The following DIAPH2 variants were observed in gnomAD, a reference collection of about 807,000 sequenced individuals.
DIAPH2 encodes the protein protein diaphanous homolog 2.
In DIAPH2, 35 loss-of-function variants were observed where a neutral mutation model predicts 92.7. The observed-to-expected ratio is 0.38, with a 90% CI of 0.29 to 0.50. The LOEUF (loss-of-function observed/expected upper bound fraction) is 0.50. Among genes scored for constraint, DIAPH2 ranks in the 20% least tolerant of loss-of-function variants. DIAPH2 has a pLI of 0.94. For synonymous variants in DIAPH2, 301 were observed against 280.4 expected (o/e 1.07, Z -0.73); for missense variants, 701 against 819.5 (o/e 0.86, Z 1.77).
At chrX:96,898,925 A>G (rs1323786581) in intron 5 of DIAPH2, among the ~76,000 whole-genome samples, 4 of 108,757 alleles carry the variant, frequency 3.7e-5, no homozygotes, top group Non-Finnish European at 7.7e-5. Flanking sequence ...GAAGGGATCC[A>G]GTTTCAGCTT....
At chrX:96,943,103 C>A (rs1459090734) in intron 13 of DIAPH2, among the ~76,000 whole-genome samples, 4 of 110,760 alleles carry the variant, frequency 3.6e-5, no homozygotes, top group African/African-American at 1.3e-4. Context: ...CCTTATATCT[C>A]TTTCTCTATG....
At chrX:96,796,979 A>G (rs2064544818) in intron 4 of DIAPH2, among the ~76,000 whole-genome samples, 1 of 111,741 alleles carries the variant, frequency 8.9e-6, no homozygotes, top group Non-Finnish European at 1.9e-5. Context: ...CTTATAGTGC[A>G]GGTTTTCTTG....
intron 23 of DIAPH2, among the ~76,000 whole-genome samples, chrX:97,332,757 A>T (rs2147669037): frequency 8.9e-6 from 1 of 111,849 alleles, no homozygotes; most frequent in East Asian, 2.8e-4. Flanking sequence ...ATTAAAATAC[A>T]CACACACTCA....
intron 9 of DIAPH2, among the ~76,000 whole-genome samples, chrX:96,921,376 G>A (rs765199629): frequency 9.0e-6 from 1 of 110,814 alleles, no homozygotes; most frequent in Non-Finnish European, 1.9e-5. Flanking sequence ...AGCATTCTCC[G>A]GTCTCTTTTG....
chrX:97,318,482 CTTTTTTTT>C (rs745350367), intron 23 of DIAPH2, among the ~76,000 whole-genome samples: 1 of 46,323 alleles, frequency 2.2e-5, no homozygotes, highest in Non-Finnish European at 4.0e-5. Flanking sequence ...TTTTTCTTTA[CTTTTTTTT>C]TTTTTTTTTT....
At chrX:97,463,373 A>ATT (rs1386426471) in intron 26 of DIAPH2, among the ~76,000 whole-genome samples, 2 of 102,671 alleles carry the variant, frequency 1.9e-5, no homozygotes, top group African/African-American at 7.2e-5. Flanking sequence ...AGCTATTACC[A>ATT]TTTTATTTAT....
At chrX:96,700,318 A>G (rs1019415708) in intron 1 of DIAPH2, among the ~76,000 whole-genome samples, 3 of 112,372 alleles carry the variant, frequency 2.7e-5, no homozygotes, top group African/African-American at 9.7e-5. Context: ...TTTAGATTCT[A>G]TGGTACAGTC....
rs761098183 is a variant in DIAPH2, at chrX:96,786,075, A to G, written c.447+27817A>G. Among the ~76,000 whole-genome samples, 6 of 111,926 alleles carry G rather than the reference A, an allele frequency of 5.4e-5. No homozygotes were observed. In the South Asian group the frequency reaches 2.3e-3, roughly 42 times the overall value. ...AGTAGAAACTTTCACAAGGTTAAGG[A>G]CACCTGTGTATGTTTGAAGGTAGAG... On this transcript the variant is annotated intron_variant, in intron 4 of 26. Coordinates refer to ENST00000324765, the MANE Select transcript of DIAPH2 (RefSeq NM_006729.5).
chrX:97,158,589 C>A (rs775278135), intron 22 of DIAPH2, among the ~76,000 whole-genome samples: 2 of 111,977 alleles, frequency 1.8e-5, no homozygotes, highest in African/African-American at 6.5e-5. Context: ...TTGGTTTCCT[C>A]TGATTTTTTA....
At position 97,185,358 on chromosome X, in the gene DIAPH2, T is replaced by C. The variant is rs1397949526; in HGVS notation, c.2719+43564T>C. ...ATATATATGTATATATATATGTGTG[T>C]ATATATATATGTATATATATATGTA... On this transcript the variant is annotated intron_variant, in intron 22 of 26. Coordinates refer to ENST00000324765, the MANE Select transcript of DIAPH2 (RefSeq NM_006729.5). Among the ~76,000 whole-genome samples the C allele has an allele frequency of 5.2e-4, 5 of 9,661 alleles. 1 individual carries two copies. Among genetic ancestry groups the C allele is most frequent in the African/African-American group, 1.3e-3 (5 of 3,856 alleles). 8.4% of individuals were successfully genotyped at this position (9,661 alleles called of 115,157 possible). A position where few individuals can be genotyped will look rare whatever the true frequency, so the allele number is the denominator to read the frequency against.
At chrX:97,332,371 GA>G (rs2147668688) in intron 23 of DIAPH2, among the ~76,000 whole-genome samples, 1 of 111,749 alleles carries the variant, frequency 8.9e-6, no homozygotes, top group Non-Finnish European at 1.9e-5. Flanking sequence ...TGAATGCACA[GA>G]ATTGGCTCTT....
intron 23 of DIAPH2, among the ~76,000 whole-genome samples, chrX:97,304,143 A>G (rs1256014800): frequency 1.8e-5 from 2 of 112,189 alleles, no homozygotes; most frequent in African/African-American, 3.2e-5. Flanking sequence ...TATGGATTAT[A>G]TCAAACCCAG....
At chrX:96,795,050 A>G (rs2064528490) in intron 4 of DIAPH2, among the ~76,000 whole-genome samples, 1 of 111,854 alleles carries the variant, frequency 8.9e-6, no homozygotes, top group Admixed American at 9.5e-5. Context: ...TCATTTTGAG[A>G]TCCTTAATTA....
chrX:96,864,303 T>G (rs1303368037), intron 4 of DIAPH2, among the ~76,000 whole-genome samples: 1 of 108,688 alleles, frequency 9.2e-6, no homozygotes, highest in African/African-American at 3.3e-5. Context: ...TTTTTTTTTT[T>G]TTTTTTTAAC....
At chrX:97,458,981 T>G (rs2070434541) in intron 26 of DIAPH2, among the ~76,000 whole-genome samples, 1 of 111,672 alleles carries the variant, frequency 9.0e-6, no homozygotes, top group East Asian at 2.8e-4. Flanking sequence ...GATTCTAATT[T>G]GGTCCTCTAT....
At chrX:97,270,728 G>C (rs2068379569) in intron 23 of DIAPH2, among the ~76,000 whole-genome samples, 1 of 110,912 alleles carries the variant, frequency 9.0e-6, no homozygotes, top group Non-Finnish European at 1.9e-5. Flanking sequence ...ACTTTTCCTG[G>C]AACTTCCACC....
At chrX:97,203,406 A>G (rs1445466913) in intron 22 of DIAPH2, among the ~76,000 whole-genome samples, 2 of 111,827 alleles carry the variant, frequency 1.8e-5, no homozygotes, top group South Asian at 7.5e-4. Context: ...AAAGATTAAC[A>G]AAATAGATGG....
At chrX:97,120,614 G>GTTT (rs139009030) in intron 21 of DIAPH2, among the ~76,000 whole-genome samples, 2,603 of 75,777 alleles carry the variant, frequency 0.034, 180 homozygotes, top group African/African-American at 0.13. Context: ...TTTTTTGTGG[G>GTTT]TTTTTTTTTT....
chrX:97,207,155 A>G (rs1260239423), intron 22 of DIAPH2, among the ~76,000 whole-genome samples: 1 of 111,711 alleles, frequency 9.0e-6, no homozygotes, highest in South Asian at 3.7e-4. Context: ...TTTTTGGCTA[A>G]ATTAATAGCT....
Sources: gnomAD v4.1 joint callset for allele counts (sites outside exome capture counted in the v4.1 genomes callset) on GRCh38, gnomAD v4.1.1 for gene constraint, MANE v1.5 for transcripts, NCBI Gene and HGNC (gene_info 2026-07-23, HGNC 2026-07-21) for gene names.